The following FNDC3A variants were observed in gnomAD, a reference collection of about 807,000 sequenced individuals.
The protein encoded by FNDC3A is fibronectin type III domain containing 3A, also known as fibronectin type-III domain-containing protein 3A.
A neutral mutation model predicts 148.9 loss-of-function variants in FNDC3A; 32 were observed. The observed-to-expected ratio is 0.21, with a 90% CI of 0.16 to 0.29. The LOEUF (loss-of-function observed/expected upper bound fraction) is 0.29. Ranked by LOEUF, FNDC3A falls within the 10% of genes least tolerant of loss-of-function variation. FNDC3A has a pLI of 1.00. For missense variants in FNDC3A, 1,191 were observed against 1,452.8 expected (o/e 0.82, Z 2.93); for synonymous variants, 472 against 473.6 (o/e 1.00, Z 0.04).
At chr13:49,078,771 G>T (rs1878283190) in intron 3 of FNDC3A, among the ~76,000 whole-genome samples, 1 of 152,074 alleles carries the variant, frequency 6.6e-6, no homozygotes, top group South Asian at 2.1e-4. Flanking sequence ...CTGGATCTAG[G>T]CAAAAAGTGA....
At chr13:49,068,170 T>G (rs544461233) in intron 2 of FNDC3A, among the ~76,000 whole-genome samples, 49 of 146,684 alleles carry the variant, frequency 3.3e-4, no homozygotes, top group South Asian at 2.5e-3. Flanking sequence ...CCCGTCTTTA[T>G]TTAAAAAAAA....
At chr13:49,065,007 C>A (rs1239436100) in intron 2 of FNDC3A, among the ~76,000 whole-genome samples, 1 of 152,134 alleles carries the variant, frequency 6.6e-6, no homozygotes. Context: ...CTTTTCAATT[C>A]CTGATTCAGT....
chr13:49,197,670 A>G, intron 20 of FNDC3A, 55 bp from the exon 21 acceptor site: 1 of 1,518,556 alleles, frequency 6.6e-7, no homozygotes, highest in East Asian at 2.3e-5. Context: ...TTTTTGGCCA[A>G]AAGCTATTTA....
chr13:49,033,772 T>C (rs183905234), intron 2 of FNDC3A, among the ~76,000 whole-genome samples: 4 of 152,130 alleles, frequency 2.6e-5, no homozygotes. Context: ...TATTTATTGG[T>C]CAAGGAGTAA....
At chr13:48,985,452 C>T (rs995081209) in intron 1 of FNDC3A, among the ~76,000 whole-genome samples, 3 of 151,900 alleles carry the variant, frequency 2.0e-5, no homozygotes, top group Non-Finnish European at 4.4e-5. Flanking sequence ...CATGATTATT[C>T]CATGCAGAGG....
At position 49,043,698 on chromosome 13, in the gene FNDC3A, A is replaced by C. The variant is rs372334562; in HGVS notation, c.100-31591A>C. ...TTTCTAAGTCTTAAGGTTTATTTATACTAATGATTGCATTGTACAATGCTT... is the reference window on the plus strand; with the variant it reads ...TTTCTAAGTCTTAAGGTTTATTTATCCTAATGATTGCATTGTACAATGCTT... On this transcript the variant is annotated intron_variant, in intron 2 of 25. Coordinates refer to ENST00000492622, the MANE Select transcript of FNDC3A (RefSeq NM_001079673.2). 4.1e-3 allele frequency among the ~76,000 whole-genome samples: 630 copies of C among 152,240 alleles called. 4 individuals are homozygous for C. Among genetic ancestry groups the C allele is most frequent in the African/African-American group, 0.014 (601 of 41,544 alleles).
chr13:49,105,843 G>A (rs1401228376), intron 3 of FNDC3A, among the ~76,000 whole-genome samples: 2 of 151,980 alleles, frequency 1.3e-5, no homozygotes, highest in African/African-American at 4.8e-5. Context: ...TTGCAAAATG[G>A]TTGTACCATA....
chr13:49,134,452 T>G (rs1157538471), intron 5 of FNDC3A, among the ~76,000 whole-genome samples: 2 of 152,184 alleles, frequency 1.3e-5, no homozygotes, highest in African/African-American at 2.4e-5. Context: ...GATGGACCTT[T>G]GGGTTGTTTT....
intron 3 of FNDC3A, among the ~76,000 whole-genome samples, chr13:49,082,668 A>C (rs1296722236): frequency 6.6e-6 from 1 of 152,032 alleles, no homozygotes; most frequent in African/African-American, 2.4e-5. Context: ...GCAGTTCCCC[A>C]GAGTAGGATG....
intron 2 of FNDC3A, among the ~76,000 whole-genome samples, chr13:49,056,788 A>G (rs557037922): frequency 2.1e-4 from 32 of 152,246 alleles, no homozygotes; most frequent in African/African-American, 6.5e-4. Flanking sequence ...GTCTGTTTTC[A>G]TAGTTTATTA....
intron 3 of FNDC3A, among the ~76,000 whole-genome samples, chr13:49,095,772 C>T (rs1393626792): frequency 6.6e-6 from 1 of 151,972 alleles, no homozygotes; most frequent in East Asian, 1.9e-4. Flanking sequence ...AGGGGCAAAC[C>T]TTTGTAATTT....
At chr13:49,107,734 A>G (rs1158134129) in intron 3 of FNDC3A, among the ~76,000 whole-genome samples, 1 of 152,246 alleles carries the variant, frequency 6.6e-6, no homozygotes, top group Non-Finnish European at 1.5e-5. Flanking sequence ...AAGTGTAACG[A>G]GAATCTCTGA....
At chr13:49,118,564 G>A (rs932274613) in intron 4 of FNDC3A, among the ~76,000 whole-genome samples, 7 of 152,216 alleles carry the variant, frequency 4.6e-5, no homozygotes, top group Non-Finnish European at 7.3e-5. Context: ...CTAGCTCAGC[G>A]GATCCTACCT....
intron 24 of FNDC3A, among the ~76,000 whole-genome samples, chr13:49,202,841 C>T (rs1433298511): frequency 6.6e-6 from 1 of 152,116 alleles, no homozygotes; most frequent in African/African-American, 2.4e-5. Context: ...TGCCTCTCTA[C>T]AAAAGAAATT....
chr13:49,187,678 C>G (rs1485014764), intron 16 of FNDC3A: 2 of 1,577,876 alleles, frequency 1.3e-6, no homozygotes, highest in African/African-American at 2.7e-5. Flanking sequence ...CGTAGCGCTG[C>G]TGGAAGCTCT....
chr13:48,977,918 G>A (rs1014108183), intron 1 of FNDC3A, among the ~76,000 whole-genome samples: 5 of 152,042 alleles, frequency 3.3e-5, no homozygotes, highest in Middle Eastern at 3.4e-3. Context: ...GCTGGCTACC[G>A]TTAGCCACCT....
chr13:49,107,895 AAG>A (rs1880301828), intron 3 of FNDC3A, among the ~76,000 whole-genome samples: 1 of 152,180 alleles, frequency 6.6e-6, no homozygotes, highest in Non-Finnish European at 1.5e-5. Context: ...GCTCAGGTGT[AAG>A]AGAAGACGGA....
At chr13:48,998,723 C>T (rs918586116) in intron 1 of FNDC3A, among the ~76,000 whole-genome samples, 1 of 152,144 alleles carries the variant, frequency 6.6e-6, no homozygotes, top group African/African-American at 2.4e-5. Flanking sequence ...AAATTCTCAG[C>T]ATGTCCATAT....
chr13:49,050,732 C>G (rs1247175300), intron 2 of FNDC3A, among the ~76,000 whole-genome samples: 1 of 152,162 alleles, frequency 6.6e-6, no homozygotes, highest in Non-Finnish European at 1.5e-5. Context: ...CTAATGCTGT[C>G]AGTGGAGTAT....
Sources: allele counts gnomAD v4.1 joint callset (sites outside exome capture counted in the v4.1 genomes callset), GRCh38; gene constraint gnomAD v4.1.1; transcripts MANE v1.5; gene names NCBI Gene and HGNC (gene_info 2026-07-23, HGNC 2026-07-21).